The following GPHN variants were observed in gnomAD, a reference collection of about 807,000 sequenced individuals.
GPHN encodes the protein gephyrin.
In GPHN, 17 loss-of-function variants were observed where a neutral mutation model predicts 95.5. The ratio of observed to expected loss-of-function variants is 0.18; its 90% CI spans 0.12 to 0.27. GPHN has a LOEUF of 0.27. GPHN is among the 10% of genes least tolerant of loss of function. GPHN has a pLI of 1.00. For synonymous variants in GPHN, 320 were observed against 322.5 expected (o/e 0.99, Z 0.08); for missense variants, 660 against 978.1 (o/e 0.67, Z 4.34).
chr14:66,975,957 A>G (rs1420349705), intron 9 of GPHN, among the ~76,000 whole-genome samples: 1 of 152,188 alleles, frequency 6.6e-6, no homozygotes, highest in African/African-American at 2.4e-5. Context: ...AATAACCTCT[A>G]AAGTCCCTTG....
intron 1 of GPHN, among the ~76,000 whole-genome samples, chr14:66,535,633 T>C (rs556670890): frequency 6.6e-6 from 1 of 152,310 alleles, no homozygotes; most frequent in South Asian, 2.1e-4. Flanking sequence ...CTTTAAGTTC[T>C]TTCAGCAGTA....
the GPHN span, chr14:67,725,357 C>T: frequency 4.1e-6 from 5 of 1,210,222 alleles, no homozygotes; most frequent in Admixed American, 1.9e-5. Context: ...ATCATCCACC[C>T]CACTAGACAG....
the GPHN span, among the ~76,000 whole-genome samples, chr14:67,634,731 C>G: frequency 2.0e-5 from 3 of 152,116 alleles, no homozygotes; most frequent in African/African-American, 7.2e-5. Flanking sequence ...TTACTTTAGA[C>G]AGATGGTGCA....
intron 11 of GPHN, among the ~76,000 whole-genome samples, chr14:67,081,938 T>C (rs2076711455): frequency 6.6e-6 from 1 of 152,204 alleles, no homozygotes; most frequent in African/African-American, 2.4e-5. Flanking sequence ...GGGTTCTCTA[T>C]TCTCTTTCAT....
chr14:67,597,120 A>G, the GPHN span, among the ~76,000 whole-genome samples: 1 of 152,250 alleles, frequency 6.6e-6, no homozygotes, highest in Non-Finnish European at 1.5e-5. Flanking sequence ...TTGTAGAAAG[A>G]AAGAAAAGAA....
At chr14:67,274,303 G>C in the GPHN span, among the ~76,000 whole-genome samples, 1 of 152,152 alleles carries the variant, frequency 6.6e-6, no homozygotes, top group African/African-American at 2.4e-5. Flanking sequence ...TTTTGTATAA[G>C]GTGTAAGGAA....
At chr14:66,676,069 T>C (rs1162253883) in intron 1 of GPHN, among the ~76,000 whole-genome samples, 2 of 152,066 alleles carry the variant, frequency 1.3e-5, no homozygotes, top group African/African-American at 4.8e-5. Flanking sequence ...TATATATATA[T>C]AGCATAATGG....
intron 1 of GPHN, among the ~76,000 whole-genome samples, chr14:66,556,403 A>G (rs1293771135): frequency 1.3e-5 from 2 of 152,150 alleles, no homozygotes; most frequent in African/African-American, 2.4e-5. Context: ...CTTTGACTCT[A>G]AAGAGATGTC....
At chr14:67,089,117 T>TG in intron 12 of GPHN, 42 bp downstream of exon 12, 1 of 733,148 alleles carries the variant, frequency 1.4e-6, no homozygotes, top group Non-Finnish European at 2.2e-6. Flanking sequence ...GGCACTGTAT[T>TG]TTTTTTTCTT....
At chr14:67,150,440 CA>C (rs1416536191) in intron 18 of GPHN, among the ~76,000 whole-genome samples, 5 of 17,008 alleles carry the variant, frequency 2.9e-4, no homozygotes, top group Non-Finnish European at 4.0e-4. Flanking sequence ...GACTCCGTCT[CA>C]AAAAAAAAAA....
At chr14:67,389,797 T>G in the GPHN span, among the ~76,000 whole-genome samples, 4 of 151,980 alleles carry the variant, frequency 2.6e-5, no homozygotes, top group Non-Finnish European at 4.4e-5. Context: ...TTTAAGTGTT[T>G]TTTCATTTGT....
chr14:66,807,198 T>G (rs967020158), intron 3 of GPHN, among the ~76,000 whole-genome samples: 1 of 152,162 alleles, frequency 6.6e-6, no homozygotes, highest in Non-Finnish European at 1.5e-5. Context: ...GTGAGACTTA[T>G]TCACTATCAC....
At chr14:67,066,204 T>A (rs1350517053) in intron 11 of GPHN, among the ~76,000 whole-genome samples, 1 of 152,210 alleles carries the variant, frequency 6.6e-6, no homozygotes, top group African/African-American at 2.4e-5. Flanking sequence ...GTTGGCTGGA[T>A]ATGAAATTCT....
intron 2 of GPHN, among the ~76,000 whole-genome samples, chr14:66,726,321 T>C (rs1023419414): frequency 2.6e-5 from 4 of 152,178 alleles, no homozygotes; most frequent in African/African-American, 9.7e-5. Context: ...AGTAGAAGCA[T>C]TTTGAAATTT....
the GPHN span, among the ~76,000 whole-genome samples, chr14:67,612,340 C>G: frequency 3.3e-5 from 5 of 152,086 alleles, no homozygotes; most frequent in Non-Finnish European, 7.4e-5. Context: ...GCTGGGAGCC[C>G]AAGATCATAA....
the GPHN span, chr14:67,645,888 G>A: frequency 1.3e-6 from 2 of 1,486,654 alleles, no homozygotes; most frequent in Admixed American, 3.7e-5. Context: ...TTTGGTGAAG[G>A]GTGGGTTGAG....
chr14:67,249,534 A>G, the GPHN span, among the ~76,000 whole-genome samples: 3 of 152,236 alleles, frequency 2.0e-5, no homozygotes, highest in Non-Finnish European at 4.4e-5. Context: ...GCTTTGTCAC[A>G]AACCAACAGA....
chr14:66,942,489 A>G (rs1301250993), intron 8 of GPHN, among the ~76,000 whole-genome samples: 2 of 152,238 alleles, frequency 1.3e-5, no homozygotes, highest in Admixed American at 1.3e-4. Flanking sequence ...AAGGATCAAA[A>G]CAAAACAAAA....
At chr14:67,095,002 T>C (rs145794907) in intron 12 of GPHN, among the ~76,000 whole-genome samples, 496 of 152,330 alleles carry the variant, frequency 3.3e-3, no homozygotes, top group African/African-American at 0.011. Flanking sequence ...TAGGTTTGTG[T>C]TAGTACACTC....
Sources: gnomAD v4.1 joint callset for allele counts (sites outside exome capture counted in the v4.1 genomes callset) on GRCh38, gnomAD v4.1.1 for gene constraint, MANE v1.5 for transcripts, NCBI Gene and HGNC (gene_info 2026-07-23, HGNC 2026-07-21) for gene names.